Variants in FBXO11 observed in about 807,000 individuals in gnomAD.
FBXO11 encodes F-box only protein 11.
A neutral mutation model predicts 117.0 loss-of-function variants in FBXO11; 13 were observed. That is an observed-to-expected ratio of 0.11 (90% CI 0.07 to 0.18). The LOEUF (loss-of-function observed/expected upper bound fraction) is 0.18, where lower values mean the gene tolerates loss of function less well. FBXO11 is among the 10% of genes least tolerant of loss of function. The pLI is 1.00. For synonymous variants in FBXO11, 490 were observed against 380.5 expected (o/e 1.29, Z -3.35); for missense variants, 767 against 1,164.4 (o/e 0.66, Z 4.97).
At chr2:47,835,766 G>T in intron 5 of FBXO11, 106 bp downstream of exon 5, 1 of 800,516 alleles carries the variant, frequency 1.2e-6, no homozygotes, top group Non-Finnish European at 1.8e-6. Flanking sequence ...CCAAGGTGCT[G>T]GGATTACAGG....
chr2:47,901,061 ATG>A (rs1362745792), intron 1 of FBXO11, among the ~76,000 whole-genome samples: 1 of 115,424 alleles, frequency 8.7e-6, no homozygotes, highest in African/African-American at 2.8e-5. Context: ...ACACATATAT[ATG>A]TATATATATA....
chr2:47,823,476 TG>T (rs1671524558), intron 11 of FBXO11, 116 bp from the exon 12 acceptor site: 3 of 823,064 alleles, frequency 3.6e-6, no homozygotes, highest in Non-Finnish European at 5.5e-6. Context: ...CATTTAAGGC[TG>T]GGCGTGGTGA....
chr2:47,859,264 C>A (rs557583873), intron 1 of FBXO11, among the ~76,000 whole-genome samples: 1 of 151,912 alleles, frequency 6.6e-6, no homozygotes, highest in Non-Finnish European at 1.5e-5. Flanking sequence ...CCCAACTAAT[C>A]TGAAGATCAT....
intron 1 of FBXO11, among the ~76,000 whole-genome samples, chr2:47,886,243 C>T (rs1428606459): frequency 6.6e-6 from 1 of 152,132 alleles, no homozygotes. Flanking sequence ...CACGGTGCCT[C>T]ACGCTGTAAT....
At chr2:47,810,702 G>A (rs1670550614) in intron 18 of FBXO11, 1 of 310,248 alleles carries the variant, frequency 3.2e-6, no homozygotes, top group Non-Finnish European at 5.9e-6. Context: ...CATCTTCAGA[G>A]CCAGGTGCAT....
chr2:47,904,915 C>T (rs1678636828), intron 1 of FBXO11, among the ~76,000 whole-genome samples: 1 of 151,614 alleles, frequency 6.6e-6, no homozygotes, highest in Non-Finnish European at 1.5e-5. Context: ...CCCCCTACCC[C>T]GTGACCAGGG....
At chr2:47,842,379 C>T (rs1300232560) in intron 1 of FBXO11, among the ~76,000 whole-genome samples, 1 of 152,156 alleles carries the variant, frequency 6.6e-6, no homozygotes, top group Non-Finnish European at 1.5e-5. Context: ...AGTTCTAGTT[C>T]TTGCCTTGTT....
intron 1 of FBXO11, among the ~76,000 whole-genome samples, chr2:47,894,006 G>A (rs1231481027): frequency 6.6e-6 from 1 of 152,212 alleles, no homozygotes; most frequent in Admixed American, 6.5e-5. Flanking sequence ...GAGCAAATGT[G>A]AAATGTTCCT....
rs186104745 is a variant in FBXO11, at chr2:47,839,505, A to C, written c.361-5T>G. ...TGTAGTTGAAGTTGAGGCGCCCTTC[A>C]AAAACAAAACAGAAACTAGTAAAGC... On this transcript the variant is annotated splice_region_variant and splice_polypyrimidine_tract_variant and intron_variant, in intron 2 of 22. Transcript: ENST00000403359. 1 of 1,613,310 alleles carries C rather than the reference A, an allele frequency of 6.2e-7. No individual in the cohort carries two copies. Among genetic ancestry groups the C allele is most frequent in the African/African-American group, 1.3e-5 (1 of 74,898 alleles).
intron 1 of FBXO11, chr2:47,883,623 T>C (rs1379130090): frequency 9.2e-6 from 3 of 326,526 alleles, no homozygotes; most frequent in South Asian, 2.9e-5. Context: ...ACGTACTTTA[T>C]CTAACTACAA....
intron 11 of FBXO11, among the ~76,000 whole-genome samples, chr2:47,824,078 G>A (rs967310013): frequency 6.6e-6 from 1 of 152,040 alleles, no homozygotes; most frequent in Non-Finnish European, 1.5e-5. Context: ...AGGCATGAAG[G>A]AAAAACAGCA....
chr2:47,864,240 T>A (rs1191498275), intron 1 of FBXO11, among the ~76,000 whole-genome samples: 1 of 152,180 alleles, frequency 6.6e-6, no homozygotes, highest in Admixed American at 6.5e-5. Flanking sequence ...CGGTATTTCA[T>A]GAGAAAACAT....
At position 47,823,224 on chromosome 2, in the gene FBXO11, C is replaced by T. The variant is rs1450469181; in HGVS notation, c.1535G>A (p.Arg512Lys). Reference protein sequence around the residue: ...TGGIYVHEKGRGQFIENKIYA... With the variant: ...TGGIYVHEKGKGQFIENKIYA... ...GATTTTATTCTCTATGAATTGTCCT[C>T]TTCCTTTTTCATGGACATATATTCC... is the stretch of plus-strand genomic sequence containing the variant. Residue 512 changes from arginine (R) to lysine (K), a missense_variant, in exon 12 of 23, where the codon AGA becomes AAA. Arg to Lys is a conservative substitution (Grantham distance 26, BLOSUM62 2). This residue lies in a region of FBXO11 where 67 missense variants were observed against 148.8 expected (regional missense o/e 0.45). Coordinates refer to ENST00000403359, the MANE Select transcript of FBXO11 (RefSeq NM_001190274.2). 6.2e-7 allele frequency: 1 copy of T among 1,614,078 alleles called. No homozygotes were observed. Among genetic ancestry groups the T allele is most frequent in the Admixed American group, 1.7e-5 (1 of 60,022 alleles).
rs566724610 is a variant in FBXO11, at chr2:47,881,058, G to C, written c.232+24431C>G. Among the ~76,000 whole-genome samples, 21 of 152,272 alleles carry C rather than the reference G, an allele frequency of 1.4e-4. 1 individual carries two copies. Among genetic ancestry groups the C allele is most frequent in the African/African-American group, 5.1e-4 (21 of 41,558 alleles). On this transcript the variant is annotated intron_variant, in intron 1 of 22. Coordinates refer to ENST00000403359, the MANE Select transcript of FBXO11 (RefSeq NM_001190274.2). ...TCACAAAGTCAGGAGTTCAAGTCAA[G>C]CCTGGCCAACATGGTGAAACCCGTC...
At chr2:47,846,185 G>C (rs1386985583) in intron 1 of FBXO11, among the ~76,000 whole-genome samples, 1 of 152,164 alleles carries the variant, frequency 6.6e-6, no homozygotes, top group Non-Finnish European at 1.5e-5. Context: ...AAATAATTTT[G>C]GCCAGGCGTG....
intron 1 of FBXO11, among the ~76,000 whole-genome samples, chr2:47,841,194 T>C (rs1456152974): frequency 1.3e-5 from 2 of 151,736 alleles, no homozygotes; most frequent in Non-Finnish European, 2.9e-5. Context: ...CAAGACTCCG[T>C]CTCAAAAAAA....
chr2:47,824,192 A>G (rs1671580731), intron 11 of FBXO11, among the ~76,000 whole-genome samples: 1 of 152,242 alleles, frequency 6.6e-6, no homozygotes, highest in Non-Finnish European at 1.5e-5. Flanking sequence ...GCTGCCTTAA[A>G]AATGTCCCAA....
At chr2:47,864,126 T>C (rs1675005811) in intron 1 of FBXO11, among the ~76,000 whole-genome samples, 1 of 152,212 alleles carries the variant, frequency 6.6e-6, no homozygotes, top group Non-Finnish European at 1.5e-5. Flanking sequence ...ACTTCATTGA[T>C]CTTCACAGTT....
At chr2:47,884,691 T>C (rs193127591) in intron 1 of FBXO11, among the ~76,000 whole-genome samples, 3 of 152,334 alleles carry the variant, frequency 2.0e-5, no homozygotes, top group Middle Eastern at 3.4e-3. Context: ...TTCCTTACAG[T>C]GTAACTTCAG....
Sources: gnomAD v4.1 joint callset for allele counts (sites outside exome capture counted in the v4.1 genomes callset) on GRCh38, gnomAD v4.1.1 for gene constraint, gnomAD v4.1.1 regional missense constraint, MANE v1.5 for transcripts, NCBI Gene and HGNC (gene_info 2026-07-23, HGNC 2026-07-21) for gene names.